Variants in PLEKHA1 observed in about 807,000 individuals in gnomAD.
PLEKHA1 encodes pleckstrin homology domain containing A1, also known as pleckstrin homology domain-containing family A member 1.
In PLEKHA1, 34 loss-of-function variants were observed where a neutral mutation model predicts 52.0. That is an observed-to-expected ratio of 0.65 (90% CI 0.50 to 0.87). The LOEUF (loss-of-function observed/expected upper bound fraction) is 0.87. Ranked by LOEUF, PLEKHA1 falls within the 40% of genes least tolerant of loss-of-function variation. The pLI, the probability that PLEKHA1 is intolerant of heterozygous loss-of-function variation, is 0.00. For missense variants in PLEKHA1, 497 were observed against 504.2 expected, an observed-to-expected ratio of 0.99 and a Z score of 0.14; for synonymous variants, 163 against 170.7, an observed-to-expected ratio of 0.95 and a Z score of 0.35.
intron 4 of PLEKHA1, 92 bp from the exon 5 acceptor site, chr10:122,406,484 T>C (rs1327109075): frequency 1.1e-6 from 1 of 927,596 alleles, no homozygotes; most frequent in Non-Finnish European, 1.8e-6. Context: ...AGAGTCACGG[T>C]GTTGAACTTA....
At chr10:122,436,463 G>C (rs1321450304), downstream of PLEKHA1, 3 of 152,136 alleles carry the variant, frequency 2.0e-5, no homozygotes, top group African/African-American at 7.2e-5. Flanking sequence ...TTCTTGCTTT[G>C]GAAACAGCTA....
chr10:122,409,190 GT>G (rs2097069351), intron 5 of PLEKHA1, among the ~76,000 whole-genome samples: 1 of 152,060 alleles, frequency 6.6e-6, no homozygotes, highest in Non-Finnish European at 1.5e-5. Flanking sequence ...TTATGATGGG[GT>G]TACATCCTTA....
chr10:122,414,965 G>A (rs908638054), intron 6 of PLEKHA1, among the ~76,000 whole-genome samples: 1 of 151,916 alleles, frequency 6.6e-6, no homozygotes, highest in African/African-American at 2.4e-5. Context: ...GGTGTTTATC[G>A]TAGAGAAAGG....
chr10:122,394,069 C>CTTTTTT (rs796831792), intron 2 of PLEKHA1, among the ~76,000 whole-genome samples: 12 of 97,204 alleles, frequency 1.2e-4, no homozygotes, highest in Non-Finnish European at 2.0e-4. Context: ...ACTTTCTCTA[C>CTTTTTT]TTTTTTTTTT....
chr10:122,440,858 G>A, the PLEKHA1 span: 16 of 152,284 alleles, frequency 1.1e-4, no homozygotes, highest in African/African-American at 3.9e-4. Flanking sequence ...CACTGTATAA[G>A]CACTGCACCA....
intron 3 of PLEKHA1, among the ~76,000 whole-genome samples, chr10:122,399,684 G>A (rs1045431616): frequency 4.6e-5 from 7 of 152,094 alleles, no homozygotes; most frequent in East Asian, 3.9e-4. Context: ...CTGGGTTCAC[G>A]CCATTCTCCT....
At chr10:122,414,202 A>C (rs763669211) in intron 6 of PLEKHA1, among the ~76,000 whole-genome samples, 2 of 152,114 alleles carry the variant, frequency 1.3e-5, no homozygotes, top group Non-Finnish European at 2.9e-5. Context: ...ATTATGACCT[A>C]TGTTGACATA....
chr10:122,403,758 C>G (rs1433683353), intron 4 of PLEKHA1, among the ~76,000 whole-genome samples: 1 of 152,028 alleles, frequency 6.6e-6, no homozygotes, highest in African/African-American at 2.4e-5. Context: ...ATGGTGTAAT[C>G]TTGGCTCACT....
At chr10:122,418,096 T>C (rs2097204763) in intron 8 of PLEKHA1, 128 bp downstream of exon 8, 1 of 606,528 alleles carries the variant, frequency 1.6e-6, no homozygotes, top group Non-Finnish European at 2.7e-6. Flanking sequence ...GTAAATATAG[T>C]TTATTTGGTT....
At chr10:122,401,518 A>G (rs2096929203) in intron 4 of PLEKHA1, among the ~76,000 whole-genome samples, 1 of 152,142 alleles carries the variant, frequency 6.6e-6, no homozygotes, top group African/African-American at 2.4e-5. Flanking sequence ...GAGAGGTAGC[A>G]GGGAAGTTTG....
At position 122,385,403 on chromosome 10, in the gene PLEKHA1, C is replaced by T. The variant is rs181966472; in HGVS notation, c.-20-7778C>T. On this transcript the variant is annotated intron_variant, in intron 1 of 11. Transcript: ENST00000368990. The stretch of plus-strand genomic sequence containing the variant: ...CGTGATCTAGGCCCACTGCAACCTC[C>T]GCCTCCCGGGTTCAAGCAATTCTCC... Among the ~76,000 whole-genome samples the T allele has an allele frequency of 1.3e-3, 201 of 149,898 alleles. 1 individual carries two copies. The highest frequency in any genetic ancestry group is 3.7e-3 in the African/African-American group (150 of 40,734).
At chr10:122,404,658 A>G (rs983186183) in intron 4 of PLEKHA1, among the ~76,000 whole-genome samples, 1 of 152,232 alleles carries the variant, frequency 6.6e-6, no homozygotes, top group African/African-American at 2.4e-5. Context: ...TTATCTTAAT[A>G]CATATTTATG....
rs897999513 is a variant in PLEKHA1 at position 122,398,063 on chromosome 10, C to T, written c.198+89C>T. The T allele has an allele frequency of 2.9e-6, 3 of 1,031,500 alleles. 1 individual carries two copies. Among genetic ancestry groups the T allele is most frequent in the Non-Finnish European group, 4.4e-6 (3 of 677,300 alleles). The allele number at this position is 1,031,500 out of a possible 1,614,324, so 63.9% of individuals were successfully genotyped here. A position where few individuals can be genotyped will look rare whatever the true frequency, so the allele number is the denominator to read the frequency against. ...AGAAGCAGCAGTTTCCTTTCCATGTCCTTTAACAGTGATGTTCAGATTCCT... is the reference window on the plus strand; with the variant it reads ...AGAAGCAGCAGTTTCCTTTCCATGTTCTTTAACAGTGATGTTCAGATTCCT... On this transcript the variant is annotated intron_variant, in intron 3 of 11. Coordinates refer to ENST00000368990, the MANE Select transcript of PLEKHA1 (RefSeq NM_001001974.4).
chr10:122,414,749 G>T (rs549608218), intron 6 of PLEKHA1, among the ~76,000 whole-genome samples: 195 of 152,202 alleles, frequency 1.3e-3, no homozygotes, highest in African/African-American at 4.7e-3. Flanking sequence ...CACAATAAAA[G>T]ATCACTGCAC....
intron 4 of PLEKHA1, 93 bp from the exon 5 acceptor site, chr10:122,406,483 G>C: frequency 1.1e-6 from 1 of 921,198 alleles, no homozygotes; most frequent in Non-Finnish European, 1.8e-6. Context: ...GAGAGTCACG[G>C]TGTTGAACTT....
chr10:122,429,639 C>T lies in PLEKHA1; in HGVS notation c.916C>T (p.Pro306Ser), dbSNP rs1338349977. 1 of 1,613,732 alleles carries T rather than the reference C, an allele frequency of 6.2e-7. No homozygotes were observed. Reference sequence around the variant, plus strand: ...CTTTTTGCAGGAGCATCCCCCCGGTCCTTCAGAATCCAAACACGCTTTCCG... The same window carrying T: ...CTTTTTGCAGGAGCATCCCCCCGGTTCTTCAGAATCCAAACACGCTTTCCG... ...RSASSEHPPG[P>S]SESKHAFRPT... Residue 306 changes from proline to serine, a missense_variant, in exon 12 of 12, where the codon CCT becomes TCT. Physicochemically the swap from Pro to Ser is moderately conservative, Grantham distance 74. Transcript: ENST00000368990.
chr10:122,383,313 G>GT (rs58485855), intron 1 of PLEKHA1, among the ~76,000 whole-genome samples: 16,141 of 128,298 alleles, frequency 0.13, 1,132 homozygotes, highest in Non-Finnish European at 0.18. Context: ...CTTTCTTTCT[G>GT]TTTTTTTTTT....
At position 122,385,759 on chromosome 10, in the gene PLEKHA1, T is replaced by C. The variant is rs562922968; in HGVS notation, c.-20-7422T>C. 4.6e-5 allele frequency among the ~76,000 whole-genome samples: 7 copies of C among 152,372 alleles called. No homozygotes were observed. The South Asian group carries it at 8.3e-4, about 18-fold the overall frequency. On this transcript the variant is annotated intron_variant, in intron 1 of 11. Coordinates refer to ENST00000368990, the MANE Select transcript of PLEKHA1 (RefSeq NM_001001974.4). ...GTCCCATATCCTTTTTGGTCTGGCT[T>C]CTTTCACATACCAAAATACATTTGA...
At chr10:122,388,449 A>G (rs2096731324) in intron 1 of PLEKHA1, among the ~76,000 whole-genome samples, 1 of 152,150 alleles carries the variant, frequency 6.6e-6, no homozygotes, top group Admixed American at 6.5e-5. Context: ...TGCTATGAAC[A>G]TTTCATATAC....
Sources: gnomAD v4.1 joint callset for allele counts (sites outside exome capture counted in the v4.1 genomes callset) on GRCh38, gnomAD v4.1.1 for gene constraint, MANE v1.5 for transcripts, NCBI Gene and HGNC (gene_info 2026-07-23, HGNC 2026-07-21) for gene names.